Variants in FAS observed in about 807,000 individuals in gnomAD.
The protein encoded by FAS is Fas cell surface death receptor.
FAS carries 5 observed loss-of-function variants against 33.2 expected under a neutral mutation model. That is an observed-to-expected ratio of 0.15 (90% CI 0.08 to 0.32). The LOEUF (loss-of-function observed/expected upper bound fraction) is 0.32, where lower values mean the gene tolerates loss of function less well. Among genes scored for constraint, FAS ranks in the 10% least tolerant of loss-of-function variants. The probability of loss-of-function intolerance (pLI) is 1.00; values close to 1 mark genes in which losing one functional copy is unlikely to be tolerated. For missense variants in FAS, 339 were observed against 386.0 expected, an observed-to-expected ratio of 0.88 and a Z score of 1.02; for synonymous variants, 131 against 130.7, an observed-to-expected ratio of 1.00 and a Z score of -0.01.
chr10:89,005,077 G>A (rs1848143577), intron 2 of FAS, among the ~76,000 whole-genome samples: 1 of 151,314 alleles, frequency 6.6e-6, no homozygotes, highest in African/African-American at 2.4e-5. Context: ...ATTTTGTGAG[G>A]GAAAAATAAA....
At chr10:89,010,926 T>G (rs1308197993) in intron 6 of FAS, 111 bp downstream of exon 6, 3 of 1,282,796 alleles carry the variant, frequency 2.3e-6, no homozygotes, top group Non-Finnish European at 3.4e-6. Context: ...GATTTATGTA[T>G]TGTTAATTTC....
intron 2 of FAS, among the ~76,000 whole-genome samples, chr10:88,975,856 A>G (rs1002166281): frequency 2.0e-5 from 3 of 152,166 alleles, no homozygotes; most frequent in Non-Finnish European, 4.4e-5. Context: ...TTTTTAGTGC[A>G]CTATCAGTAT....
intron 2 of FAS, among the ~76,000 whole-genome samples, chr10:88,980,595 C>T (rs1846687172): frequency 6.6e-6 from 1 of 152,160 alleles, no homozygotes; most frequent in African/African-American, 2.4e-5. Context: ...CTAACACAGT[C>T]CATGGTACAA....
chr10:88,966,266 G>C (rs988113276), intron 1 of FAS, among the ~76,000 whole-genome samples: 2 of 152,164 alleles, frequency 1.3e-5, no homozygotes, highest in Non-Finnish European at 2.9e-5. Flanking sequence ...TTTCTTGTTA[G>C]ATTATAGGAT....
intron 1 of FAS, among the ~76,000 whole-genome samples, chr10:89,001,077 A>C (rs1384601294): frequency 6.6e-6 from 1 of 152,156 alleles, no homozygotes; most frequent in Non-Finnish European, 1.5e-5. Flanking sequence ...AAACAACAAC[A>C]ACAAAAACAA....
chr10:88,977,497 C>A (rs577691365), intron 2 of FAS, among the ~76,000 whole-genome samples: 1 of 152,090 alleles, frequency 6.6e-6, no homozygotes, highest in Non-Finnish European at 1.5e-5. Flanking sequence ...TCAACCTACT[C>A]ATCTGACAAA....
At chr10:88,999,856 A>G (rs2147420) in intron 1 of FAS, among the ~76,000 whole-genome samples, 75,917 of 152,072 alleles carry the variant, frequency 0.5, 19,653 homozygotes, top group Non-Finnish European at 0.56. Flanking sequence ...AATAAAGTAC[A>G]TTTCCATGGT....
Position 89,010,552 on chromosome 10 carries a change from A to C in FAS, c.457A>C (p.Ile153Leu). 1 of 1,613,788 alleles carries C rather than the reference A, an allele frequency of 6.2e-7. No individual in the cohort carries two copies. Among genetic ancestry groups the C allele is most frequent in the Non-Finnish European group, 8.5e-7 (1 of 1,179,774 alleles). Residue 153 changes from isoleucine to leucine, a missense_variant, in exon 5 of 9, where the codon ATC becomes CTC. By Grantham distance (5) the Ile-to-Leu change is conservative. Coordinates refer to ENST00000652046, the MANE Select transcript of FAS (RefSeq NM_000043.6). ...TTTTTTTTCTAGATGTGAACATGGA[A>C]TCATCAAGGAATGCACACTCACCAG... The part of the protein sequence containing the change: ...CDPCTKCEHG[I>L]IKECTLTSNT...
rs1415829002 is a variant in FAS, at chr10:89,014,402, T to A, written c.960T>A (p.Ser320Arg). 3.1e-6 allele frequency: 5 copies of A among 1,612,946 alleles called. No homozygotes were observed. The South Asian group carries it at 5.5e-5, about 18-fold the overall frequency. ...CTATCATCCTCAAGGACATTACTAG[T>A]GACTCAGAAAATTCAAACTTCAGAA... ...IQTIILKDIT[S>R]DSENSNFRNE... The change falls in exon 9 of 9, where the codon AGT (serine) becomes AGA (arginine). Residue 320 changes from serine to arginine, a missense_variant. This residue lies in a region of FAS where 52 missense variants were observed against 52.7 expected (regional missense o/e 0.99). Coordinates refer to ENST00000652046, the MANE Select transcript of FAS (RefSeq NM_000043.6).
intron 1 of FAS, among the ~76,000 whole-genome samples, chr10:88,964,207 T>A (rs1489143312): frequency 6.6e-6 from 1 of 152,166 alleles, no homozygotes; most frequent in Non-Finnish European, 1.5e-5. Context: ...TCTTCCGAAT[T>A]CTTATCTGGA....
chr10:88,993,883 G>T (rs1321516369), intron 1 of FAS, among the ~76,000 whole-genome samples: 1 of 152,124 alleles, frequency 6.6e-6, no homozygotes, highest in South Asian at 2.1e-4. Context: ...GATAAAATAT[G>T]AATTAAGACA....
rs569826828 is a variant in FAS, at chr10:89,016,794, A to T, written c.*2344A>T. 2.3e-5 allele frequency: 5 copies of T among 218,886 alleles called. No homozygotes were observed. In the South Asian group the frequency reaches 9.2e-4, roughly 40 times the overall value. 13.6% of individuals were successfully genotyped at this position (218,886 alleles called of 1,614,324 possible). On this transcript the variant is annotated 3_prime_UTR_variant, in exon 9 of 9. Transcript: ENST00000652046. Reference sequence around the variant, plus strand: ...TTTGCAGAAGGAGCTCACAGATCACATTGAAAGCATTGCATATTCAAACAT... The same window carrying T: ...TTTGCAGAAGGAGCTCACAGATCACTTTGAAAGCATTGCATATTCAAACAT...
At chr10:88,970,832 A>G (rs1048305477) in intron 1 of FAS, among the ~76,000 whole-genome samples, 1 of 152,100 alleles carries the variant, frequency 6.6e-6, no homozygotes, top group Non-Finnish European at 1.5e-5. Flanking sequence ...ACAAACCTGC[A>G]CGTTGTGCAC....
Position 89,016,030 on chromosome 10 carries a change from G to C in FAS, c.*1580G>C. 4.2e-6 allele frequency: 1 copy of C among 239,710 alleles called. No individual in the cohort carries two copies. The highest frequency in any genetic ancestry group is 5.2e-5 in the Admixed American group (1 of 19,172). The allele number at this position is 239,710 out of a possible 1,614,324, so 14.8% of individuals were successfully genotyped here. On this transcript the variant is annotated 3_prime_UTR_variant, in exon 9 of 9. Coordinates refer to ENST00000652046, the MANE Select transcript of FAS (RefSeq NM_000043.6). ...TTCGTATTCCAGATACTGGAATGTG[G>C]ATAAGAAAGTATACATTTCAAGGGG...
chr10:88,983,396 GTACT>G (rs2133353749), upstream of FAS, among the ~76,000 whole-genome samples: 1 of 152,234 alleles, frequency 6.6e-6, no homozygotes, highest in South Asian at 2.1e-4. Flanking sequence ...AGAAGGCTTT[GTACT>G]TACTTAGGGA....
chr10:89,009,092 G>A lies in FAS; in HGVS notation c.443+95G>A, dbSNP rs930037929. On this transcript the variant is annotated intron_variant, in intron 4 of 8. Coordinates refer to ENST00000652046, the MANE Select transcript of FAS (RefSeq NM_000043.6). The stretch of plus-strand genomic sequence containing the variant: ...AACACTGACTGAGAGTTAAGAATTA[G>A]GGTTCTAGTCCTGCTTTGCCTCCAA... 15 of 1,190,192 alleles carry A rather than the reference G, an allele frequency of 1.3e-5. No individual in the cohort carries two copies. In the African/African-American group the frequency reaches 2.3e-4, roughly 18 times the overall value. The allele number at this position is 1,190,192 out of a possible 1,614,324, so 73.7% of individuals were successfully genotyped here.
At chr10:89,012,555 T>C (rs571586559) in intron 7 of FAS, 23 of 159,088 alleles carry the variant, frequency 1.4e-4, no homozygotes, top group Non-Finnish European at 3.0e-4. Flanking sequence ...AATTATGATA[T>C]GGTACCCAAA....
At chr10:88,986,666 G>A (rs1419652980), upstream of FAS, among the ~76,000 whole-genome samples, 1 of 64,882 alleles carries the variant, frequency 1.5e-5, no homozygotes, top group East Asian at 2.0e-4. Flanking sequence ...AAGTAATACA[G>A]GAAGGAAGTA....
In FAS at chr10:89,015,559, C is replaced by T; in HGVS notation, c.*1109C>T. 1 of 532,928 alleles carries T rather than the reference C, an allele frequency of 1.9e-6. No individual in the cohort carries two copies. The allele number at this position is 532,928 out of a possible 1,614,324, so 33.0% of individuals were successfully genotyped here. ...CCAAGTTTCTAAGATTTAAGATTCT[C>T]CTTACTACTATCCTACGTTTAAATA... On this transcript the variant is annotated 3_prime_UTR_variant, in exon 9 of 9. Coordinates refer to ENST00000652046, the MANE Select transcript of FAS (RefSeq NM_000043.6).
Sources: allele counts gnomAD v4.1 joint callset (sites outside exome capture counted in the v4.1 genomes callset), GRCh38; gene constraint gnomAD v4.1.1; regional missense constraint gnomAD v4.1.1; transcripts MANE v1.5; gene names NCBI Gene and HGNC (gene_info 2026-07-23, HGNC 2026-07-21).